Variants in ATXN7L1 observed in about 807,000 individuals in gnomAD.
ATXN7L1 encodes the protein ataxin-7-like protein 1.
A neutral mutation model predicts 70.8 loss-of-function variants in ATXN7L1; 15 were observed. That is an observed-to-expected ratio of 0.21 (90% confidence interval 0.14 to 0.33). The LOEUF is 0.33. Among genes scored for constraint, ATXN7L1 ranks in the 10% least tolerant of loss-of-function variants. The pLI is 1.00. For missense variants in ATXN7L1, 975 were observed against 1,097.1 expected, an observed-to-expected ratio of 0.89 and a Z score of 1.57; for synonymous variants, 440 against 445.1, an observed-to-expected ratio of 0.99 and a Z score of 0.14.
intron 4 of ATXN7L1, among the ~76,000 whole-genome samples, chr7:105,656,870 C>G (rs1291851612): frequency 6.6e-6 from 1 of 152,200 alleles, no homozygotes; most frequent in Non-Finnish European, 1.5e-5. Flanking sequence ...GCCGGCCTCC[C>G]CCTTTCTTGT....
At chr7:105,755,956 C>T (rs1191401165) in intron 3 of ATXN7L1, among the ~76,000 whole-genome samples, 1 of 152,170 alleles carries the variant, frequency 6.6e-6, no homozygotes, top group African/African-American at 2.4e-5. Flanking sequence ...CTTGTAGCCA[C>T]CCACCTCCCT....
chr7:105,636,525 C>T (rs1252000439), intron 7 of ATXN7L1, among the ~76,000 whole-genome samples: 2 of 146,900 alleles, frequency 1.4e-5, no homozygotes, highest in East Asian at 4.1e-4. Flanking sequence ...GCTTCCTTAA[C>T]AGAACACAAA....
At chr7:105,717,390 T>C (rs1042354621) in intron 3 of ATXN7L1, among the ~76,000 whole-genome samples, 9 of 152,162 alleles carry the variant, frequency 5.9e-5, no homozygotes, top group Admixed American at 5.9e-4. Context: ...CCTCTCAAAG[T>C]GCTGGGATTA....
In ATXN7L1 at chr7:105,620,260, T is replaced by C; in HGVS notation, c.1457A>G (p.Asp486Gly). Residue 486 changes from aspartate to glycine, a missense_variant, in exon 9 of 12, where the codon GAT becomes GGT. Asp to Gly is a moderately conservative substitution (Grantham distance 94, BLOSUM62 -1). This residue lies in a region of ATXN7L1 where 635 missense variants were observed against 699.4 expected (regional missense o/e 0.91). Coordinates refer to ENST00000419735, the MANE Select transcript of ATXN7L1 (RefSeq NM_020725.2). ...RGYYVFDRRW[D>G]RFRFALNSMV... ...GGAGTTTAGTGCGAATCGAAAACGA[T>C]CCCATCTTCTATCAAACACATAGTA... 1 of 1,551,426 alleles carries C rather than the reference T, an allele frequency of 6.4e-7. No homozygotes were observed. The highest frequency in any genetic ancestry group is 1.4e-5 in the African/African-American group (1 of 73,134).
intron 3 of ATXN7L1, among the ~76,000 whole-genome samples, chr7:105,686,912 G>A (rs1289483821): frequency 6.6e-6 from 1 of 152,148 alleles, no homozygotes; most frequent in African/African-American, 2.4e-5. Flanking sequence ...GCCCAGAAAG[G>A]AGGTGGGAGT....
intron 3 of ATXN7L1, among the ~76,000 whole-genome samples, chr7:105,730,287 C>T (rs2078291810): frequency 1.3e-5 from 2 of 152,110 alleles, no homozygotes; most frequent in South Asian, 4.1e-4. Flanking sequence ...TCTTTACCCC[C>T]AAAACATATA....
chr7:105,676,139 G>A (rs751985041), intron 3 of ATXN7L1, among the ~76,000 whole-genome samples: 6 of 152,126 alleles, frequency 3.9e-5, no homozygotes, highest in Non-Finnish European at 7.4e-5. Context: ...TGAGTCTGCC[G>A]GACTCCACCT....
At chr7:105,630,425 A>G (rs1796414697) in intron 7 of ATXN7L1, among the ~76,000 whole-genome samples, 1 of 152,204 alleles carries the variant, frequency 6.6e-6, no homozygotes, top group Non-Finnish European at 1.5e-5. Context: ...TTTGCTTGCT[A>G]ATGATTGGTT....
chr7:105,626,973 G>A (rs1048965600), intron 7 of ATXN7L1, among the ~76,000 whole-genome samples: 2 of 152,142 alleles, frequency 1.3e-5, no homozygotes, highest in African/African-American at 4.8e-5. Flanking sequence ...GTGATGTTGT[G>A]GACGTGTTTC....
rs562832792 is a variant in ATXN7L1, at chr7:105,641,757, T to C, written c.862+1081A>G. ...TAGGGAGAGCACCAGGCTCTACCTTTCTTTCTTGACAGTGGGTGAGCAGCG... is the reference window on the plus strand; with the variant it reads ...TAGGGAGAGCACCAGGCTCTACCTTCCTTTCTTGACAGTGGGTGAGCAGCG... On this transcript the variant is annotated intron_variant, in intron 5 of 11. Coordinates refer to ENST00000419735, the MANE Select transcript of ATXN7L1 (RefSeq NM_020725.2). Among the ~76,000 whole-genome samples, 24 of 152,372 alleles carry C rather than the reference T, an allele frequency of 1.6e-4. No individual in the cohort carries two copies. In the South Asian group the frequency reaches 1.9e-3, roughly 12 times the overall value.
intron 2 of ATXN7L1, among the ~76,000 whole-genome samples, chr7:105,845,730 G>A (rs1813931690): frequency 1.3e-5 from 2 of 152,108 alleles, no homozygotes; most frequent in South Asian, 4.1e-4. Flanking sequence ...AGAACTGAGA[G>A]TCTAGAAATA....
Position 105,842,750 on chromosome 7 carries a change from C to A in ATXN7L1, c.250+33062G>T, listed in dbSNP as rs915887709. Among the ~76,000 whole-genome samples the A allele has an allele frequency of 6.6e-5, 10 of 152,284 alleles. No homozygotes were observed. The East Asian group carries it at 1.7e-3, about 26-fold the overall frequency. The stretch of plus-strand genomic sequence containing the variant: ...GATCATACCATAACTGTATGCCTAA[C>A]CTTTTGAGGAACTGCCGAACTGCTT... On this transcript the variant is annotated intron_variant, in intron 2 of 11. Transcript: ENST00000419735.
chr7:105,782,641 C>T (rs752453863), intron 3 of ATXN7L1, among the ~76,000 whole-genome samples: 18 of 152,202 alleles, frequency 1.2e-4, no homozygotes, highest in Admixed American at 2.0e-4. Context: ...CCCTGTAGGA[C>T]GCTATGGCAC....
At chr7:105,843,377 G>A (rs1269909017) in intron 2 of ATXN7L1, among the ~76,000 whole-genome samples, 5 of 152,364 alleles carry the variant, frequency 3.3e-5, no homozygotes, top group African/African-American at 1.2e-4. Flanking sequence ...GACCAATTGC[G>A]GGCCTCAGAA....
At chr7:105,729,736 C>CTTTTTTTTTT (rs55774943) in intron 3 of ATXN7L1, among the ~76,000 whole-genome samples, 1 of 129,558 alleles carries the variant, frequency 7.7e-6, no homozygotes. Flanking sequence ...GGCACCACTT[C>CTTTTTTTTTT]TTTTTTTTTT....
intron 2 of ATXN7L1, among the ~76,000 whole-genome samples, chr7:105,874,056 C>T (rs1461857395): frequency 2.8e-5 from 4 of 141,402 alleles, no homozygotes; most frequent in African/African-American, 1.1e-4. Context: ...ACCCGGGAGG[C>T]GGAGGTTGCA....
chr7:105,635,223 A>C (rs1438590910), intron 7 of ATXN7L1, among the ~76,000 whole-genome samples: 4 of 152,160 alleles, frequency 2.6e-5, no homozygotes, highest in African/African-American at 9.7e-5. Context: ...TGCCCTTTCC[A>C]ACAGTCCTGG....
rs10216257 is a variant in ATXN7L1, at chr7:105,610,377, G to C, written c.2547+152C>G. On this transcript the variant is annotated intron_variant, in intron 11 of 11. Coordinates refer to ENST00000419735, the MANE Select transcript of ATXN7L1 (RefSeq NM_020725.2). ...TAAGTAACTTGCCCAAGGGCACACA[G>C]CTAACTAGAAGGCCTAGGTTTGGAA... Among the ~76,000 whole-genome samples the C allele has an allele frequency of 0.38, 58,207 of 152,082 alleles. 11,580 individuals are homozygous for C. Among genetic ancestry groups the C allele is most frequent in the Non-Finnish European group, 0.46 (30,950 of 67,970 alleles).
At chr7:105,752,570 C>T (rs1285926360) in intron 3 of ATXN7L1, among the ~76,000 whole-genome samples, 1 of 152,174 alleles carries the variant, frequency 6.6e-6, no homozygotes, top group Admixed American at 6.5e-5. Context: ...AGAGTGTTAG[C>T]TTCCCAGGTG....
Sources: gnomAD v4.1 joint callset for allele counts (sites outside exome capture counted in the v4.1 genomes callset) on GRCh38, gnomAD v4.1.1 for gene constraint, gnomAD v4.1.1 regional missense constraint, MANE v1.5 for transcripts, NCBI Gene and HGNC (gene_info 2026-07-23, HGNC 2026-07-21) for gene names.